Variants in NF2 observed in about 807,000 individuals in gnomAD.
The protein encoded by NF2 is merlin.
NF2 carries 8 observed loss-of-function variants against 83.7 expected under a neutral mutation model. The observed-to-expected ratio is 0.10, with a 90% CI of 0.06 to 0.17. The LOEUF is 0.17. NF2 is among the 10% of genes least tolerant of loss of function. The probability of loss-of-function intolerance (pLI) is 1.00; values close to 1 mark genes in which losing one functional copy is unlikely to be tolerated. For synonymous variants in NF2, 266 were observed against 269.6 expected (o/e 0.99, Z 0.13); for missense variants, 533 against 744.4 (o/e 0.72, Z 3.31).
In NF2 at chr22:29,675,921, G is replaced by C. The variant is rs552424837; in HGVS notation, c.1446+980G>C. Reference sequence around the variant, plus strand: ...CAAGCTGCCCAGGGTTTGAGGTGGGGAAAATGTAAGCAGTTTGCTGTTGCC... The same window carrying C: ...CAAGCTGCCCAGGGTTTGAGGTGGGCAAAATGTAAGCAGTTTGCTGTTGCC... On this transcript the variant is annotated intron_variant, in intron 13 of 15. Transcript: ENST00000338641. 2.6e-5 allele frequency among the ~76,000 whole-genome samples: 4 copies of C among 152,300 alleles called. No homozygotes were observed. In the South Asian group the frequency reaches 8.3e-4, roughly 32 times the overall value.
rs559095588 is a variant in NF2 at position 29,635,161 on chromosome 22, C to A, written c.115-1590C>A. ...AAACACAGAGAAGGGATGGGCTTTCCTGTTGAGTACCTTGTAGAGAACCCA... is the reference window on the plus strand; with the variant it reads ...AAACACAGAGAAGGGATGGGCTTTCATGTTGAGTACCTTGTAGAGAACCCA... On this transcript the variant is annotated intron_variant, in intron 1 of 15. Coordinates refer to ENST00000338641, the MANE Select transcript of NF2 (RefSeq NM_000268.4). Among the ~76,000 whole-genome samples, 4 of 152,206 alleles carry A rather than the reference C, an allele frequency of 2.6e-5. No homozygotes were observed. In the South Asian group the frequency reaches 8.3e-4, roughly 32 times the overall value.
intron 4 of NF2, among the ~76,000 whole-genome samples, chr22:29,649,156 G>A (rs554693660): frequency 6.7e-6 from 1 of 150,286 alleles, no homozygotes; most frequent in East Asian, 1.9e-4. Flanking sequence ...AAAAAAAAAA[G>A]CCAGACACAA....
intron 15 of NF2, among the ~76,000 whole-genome samples, chr22:29,691,893 C>T (rs1043172869): frequency 1.3e-5 from 2 of 152,230 alleles, no homozygotes; most frequent in African/African-American, 4.8e-5. Flanking sequence ...CCTTCTTCAC[C>T]TGCTGGGAGG....
Position 29,678,242 on chromosome 22 carries a change from T to C in NF2, c.1493T>C (p.Phe498Ser). 1 of 1,614,154 alleles carries C rather than the reference T, an allele frequency of 6.2e-7. No individual in the cohort carries two copies. Among genetic ancestry groups the C allele is most frequent in the Non-Finnish European group, 8.5e-7 (1 of 1,179,992 alleles). ...CCGTTGCCTCCTGACATACCAAGCT[T>C]CAACCTCATTGGTGACAGCCTGTCT... ...PAPLPPDIPS[F>S]NLIGDSLSFD... Residue 498 changes from phenylalanine to serine, a missense_variant, in exon 14 of 16, where the codon TTC becomes TCC. By Grantham distance (155) the Phe-to-Ser change is radical. Transcript: ENST00000338641.
intron 4 of NF2, among the ~76,000 whole-genome samples, chr22:29,651,597 G>T (rs887287109): frequency 6.6e-6 from 1 of 152,126 alleles, no homozygotes; most frequent in Non-Finnish European, 1.5e-5. Flanking sequence ...ACAACTTCAG[G>T]ATTTTTTTCT....
At chr22:29,644,241 C>T (rs568190516) in intron 4 of NF2, among the ~76,000 whole-genome samples, 107 of 150,326 alleles carry the variant, frequency 7.1e-4, no homozygotes, top group African/African-American at 2.4e-3. Flanking sequence ...ACCTCCCAGA[C>T]GGGGTGGCGG....
chr22:29,675,057 G>A, intron 13 of NF2, 116 bp downstream of exon 13: 1 of 845,546 alleles, frequency 1.2e-6, no homozygotes, highest in Non-Finnish European at 1.9e-6. Flanking sequence ...CAAACACATG[G>A]CTGGATGAGA....
At chr22:29,684,128 G>A (rs747009518) in intron 15 of NF2, 48 of 178,264 alleles carry the variant, frequency 2.7e-4, no homozygotes, top group Admixed American at 5.7e-4. Flanking sequence ...TAAAGTCCCT[G>A]ATAGATCTTA....
chr22:29,654,984 A>T (rs11913715), intron 5 of NF2, among the ~76,000 whole-genome samples: 1 of 152,112 alleles, frequency 6.6e-6, no homozygotes, highest in African/African-American at 2.4e-5. Flanking sequence ...GATGCAGTTG[A>T]GCATCATTGA....
chr22:29,623,192 G>A lies in NF2; in HGVS notation c.115-13559G>A, dbSNP rs138045384. Among the ~76,000 whole-genome samples, 19 of 151,954 alleles carry A rather than the reference G, an allele frequency of 1.3e-4. 1 individual carries two copies. Among genetic ancestry groups the A allele is most frequent in the Admixed American group, 1.3e-4 (2 of 15,246 alleles). On this transcript the variant is annotated intron_variant, in intron 1 of 15. Transcript: ENST00000338641. ...ACTTCTGGGCTCAAGCGATCCTTCCGCCTCAGCCTCTCAAAGTGCTGGGAT... is the reference window on the plus strand; with the variant it reads ...ACTTCTGGGCTCAAGCGATCCTTCCACCTCAGCCTCTCAAAGTGCTGGGAT...
chr22:29,643,575 T>C (rs368436422), intron 4 of NF2, among the ~76,000 whole-genome samples: 193 of 152,272 alleles, frequency 1.3e-3, no homozygotes, highest in Middle Eastern at 3.4e-3. Context: ...TGAGTGGACA[T>C]AGCACATGTT....
intron 10 of NF2, among the ~76,000 whole-genome samples, chr22:29,669,610 C>T (rs2066722423): frequency 6.6e-6 from 1 of 152,150 alleles, no homozygotes; most frequent in Non-Finnish European, 1.5e-5. Context: ...CAGAGCAAAG[C>T]TTAGAAGTAA....
intron 4 of NF2, among the ~76,000 whole-genome samples, chr22:29,648,454 T>C (rs1440193149): frequency 1.3e-5 from 2 of 152,160 alleles, no homozygotes; most frequent in Non-Finnish European, 2.9e-5. Flanking sequence ...TTGGTGCTCA[T>C]TTACCTGCCA....
At chr22:29,606,939 G>A (rs1229914677) in intron 1 of NF2, among the ~76,000 whole-genome samples, 9 of 152,120 alleles carry the variant, frequency 5.9e-5, no homozygotes, top group Non-Finnish European at 1.5e-5. Context: ...CAGCTACTTG[G>A]GAGGCTGAAG....
At chr22:29,659,943 A>G (rs1293694317) in intron 7 of NF2, among the ~76,000 whole-genome samples, 1 of 152,200 alleles carries the variant, frequency 6.6e-6, no homozygotes, top group Non-Finnish European at 1.5e-5. Context: ...AAAAAGATTT[A>G]TGCTGGAGTA....
chr22:29,629,560 C>T (rs910266839), intron 1 of NF2, among the ~76,000 whole-genome samples: 1 of 152,200 alleles, frequency 6.6e-6, no homozygotes, highest in Admixed American at 6.5e-5. Context: ...TCACATCATC[C>T]TTTGTTTTCC....
chr22:29,609,887 T>C (rs780611515), intron 1 of NF2, among the ~76,000 whole-genome samples: 91 of 152,328 alleles, frequency 6.0e-4, no homozygotes, highest in Non-Finnish European at 9.0e-4. Flanking sequence ...TTCTCAGTTG[T>C]TTTCCAAAAG....
At chr22:29,643,668 GAA>G (rs1261087881) in intron 4 of NF2, among the ~76,000 whole-genome samples, 1 of 152,198 alleles carries the variant, frequency 6.6e-6, no homozygotes, top group Admixed American at 6.5e-5. Flanking sequence ...AGAACAAAAT[GAA>G]AAGTCTCCCG....
At chr22:29,649,553 C>G (rs1305592509) in intron 4 of NF2, among the ~76,000 whole-genome samples, 1 of 151,418 alleles carries the variant, frequency 6.6e-6, no homozygotes, top group Non-Finnish European at 1.5e-5. Context: ...AAGGCAAAAA[C>G]AAAACAAAAC....
Sources: allele counts gnomAD v4.1 joint callset (sites outside exome capture counted in the v4.1 genomes callset), GRCh38; gene constraint gnomAD v4.1.1; transcripts MANE v1.5; gene names NCBI Gene and HGNC (gene_info 2026-07-23, HGNC 2026-07-21).